Variants in CEP112 observed in about 807,000 individuals in gnomAD.
CEP112 encodes centrosomal protein 112.
A neutral mutation model predicts 153.0 loss-of-function variants in CEP112; 127 were observed. The ratio of observed to expected loss-of-function variants is 0.83; its 90% CI spans 0.72 to 0.96. The LOEUF is 0.96. CEP112 is among the 40% of genes least tolerant of loss of function. The probability of loss-of-function intolerance (pLI) is 0.00; values close to 1 mark genes in which losing one functional copy is unlikely to be tolerated. For synonymous variants in CEP112, 358 were observed against 374.4 expected, an observed-to-expected ratio of 0.96 and a Z score of 0.51; for missense variants, 1,089 against 1,101.2, an observed-to-expected ratio of 0.99 and a Z score of 0.16.
intron 17 of CEP112, among the ~76,000 whole-genome samples, chr17:65,986,916 C>T (rs1487285292): frequency 6.6e-6 from 1 of 151,988 alleles, no homozygotes; most frequent in African/African-American, 2.4e-5. Context: ...CAGAAAGTCC[C>T]TAGAAAAGTG....
At chr17:66,175,361 T>C (rs2072427696) in intron 3 of CEP112, 145 bp from the exon 4 acceptor site, 3 of 579,656 alleles carry the variant, frequency 5.2e-6, no homozygotes, top group South Asian at 6.0e-5. Flanking sequence ...TAAATGTACA[T>C]TGAATTATGA....
chr17:65,740,225 T>C (rs1354629262), intron 23 of CEP112, among the ~76,000 whole-genome samples: 1 of 152,214 alleles, frequency 6.6e-6, no homozygotes, highest in South Asian at 2.1e-4. Context: ...GTATTTGCTA[T>C]AGTTAAAAAT....
At chr17:66,169,491 G>T (rs1419256135) in intron 4 of CEP112, among the ~76,000 whole-genome samples, 2 of 151,828 alleles carry the variant, frequency 1.3e-5, no homozygotes, top group African/African-American at 2.4e-5. Context: ...TCACCATATT[G>T]GCCAAGCTGG....
chr17:65,644,856 T>C (rs1029476306), intron 24 of CEP112, among the ~76,000 whole-genome samples: 3 of 152,134 alleles, frequency 2.0e-5, no homozygotes, highest in African/African-American at 7.2e-5. Flanking sequence ...ATTTCTCCAG[T>C]GTTTTCTGGC....
chr17:65,975,075 C>T (rs1352137961), intron 17 of CEP112, among the ~76,000 whole-genome samples: 2 of 152,010 alleles, frequency 1.3e-5, no homozygotes, highest in African/African-American at 4.8e-5. Context: ...GAATAAATAA[C>T]CAAATCAACT....
chr17:65,683,447 C>A (rs527485328), intron 24 of CEP112, among the ~76,000 whole-genome samples: 5 of 152,120 alleles, frequency 3.3e-5, no homozygotes, highest in Non-Finnish European at 5.9e-5. Context: ...CAAAGAGGAC[C>A]CCGGGGGCAA....
intron 24 of CEP112, among the ~76,000 whole-genome samples, chr17:65,651,549 C>T (rs2045776485): frequency 6.6e-6 from 1 of 152,166 alleles, no homozygotes; most frequent in Admixed American, 6.5e-5. Flanking sequence ...AGTTTACATT[C>T]CCAACAGCAG....
rs540548912 is a variant in CEP112, at chr17:65,939,260, T to A, written c.1873-11571A>T. ...TAAGGAAAACACGGGTAGAAACATATCCTGTGTTCTCGGATCAGAAGAATT... is the reference window on the plus strand; with the variant it reads ...TAAGGAAAACACGGGTAGAAACATAACCTGTGTTCTCGGATCAGAAGAATT... On this transcript the variant is annotated intron_variant, in intron 18 of 26. Coordinates refer to ENST00000535342, the MANE Select transcript of CEP112 (RefSeq NM_001199165.4). Among the ~76,000 whole-genome samples the A allele has an allele frequency of 2.0e-5, 3 of 152,108 alleles. No homozygotes were observed. In the East Asian group the frequency reaches 5.8e-4, roughly 29 times the overall value.
intron 21 of CEP112, among the ~76,000 whole-genome samples, chr17:65,794,826 C>T (rs147157309): frequency 7.8e-4 from 119 of 152,322 alleles, no homozygotes; most frequent in African/African-American, 2.8e-3. Context: ...AGTCCAAAAC[C>T]TGTGTCACTT....
chr17:65,904,130 G>C lies in CEP112; in HGVS notation c.1981-1796C>G, dbSNP rs553235542. Among the ~76,000 whole-genome samples the C allele has an allele frequency of 2.8e-4, 42 of 152,096 alleles. 1 individual carries two copies. The highest frequency in any genetic ancestry group is 5.0e-4 in the Non-Finnish European group (34 of 67,978). The stretch of plus-strand genomic sequence containing the variant: ...AATCACGCAAGAGAAACAAATAAAG[G>C]GTATTCAAATAGAAAGAGAGAAAGT... On this transcript the variant is annotated intron_variant, in intron 19 of 26. Coordinates refer to ENST00000535342, the MANE Select transcript of CEP112 (RefSeq NM_001199165.4).
At chr17:66,149,813 G>T in intron 4 of CEP112, among the ~76,000 whole-genome samples, 1 of 132,406 alleles carries the variant, frequency 7.6e-6, no homozygotes, top group African/African-American at 2.8e-5. Flanking sequence ...CCTTCCTTCT[G>T]TTAGCTTTAG....
At chr17:65,801,480 T>C (rs1304391005) in intron 21 of CEP112, among the ~76,000 whole-genome samples, 2 of 152,246 alleles carry the variant, frequency 1.3e-5, no homozygotes, top group African/African-American at 4.8e-5. Context: ...TAAGAAATTA[T>C]TGTCTTATCC....
intron 23 of CEP112, among the ~76,000 whole-genome samples, chr17:65,709,875 G>A (rs2049090245): frequency 6.6e-6 from 1 of 152,164 alleles, no homozygotes; most frequent in Non-Finnish European, 1.5e-5. Flanking sequence ...TGCTACCAAT[G>A]ATCTTTCCAA....
chr17:65,647,416 A>G (rs1245014925), intron 24 of CEP112, among the ~76,000 whole-genome samples: 4 of 147,796 alleles, frequency 2.7e-5, no homozygotes, highest in Non-Finnish European at 5.9e-5. Context: ...CAGGTGATCC[A>G]CCCACCTTGG....
At chr17:65,955,771 G>A (rs918871802) in intron 18 of CEP112, among the ~76,000 whole-genome samples, 1 of 152,084 alleles carries the variant, frequency 6.6e-6, no homozygotes, top group African/African-American at 2.4e-5. Flanking sequence ...ATTATATAAT[G>A]GTAAAAGGAC....
At chr17:66,067,208 A>G (rs892362540) in intron 9 of CEP112, among the ~76,000 whole-genome samples, 4 of 152,198 alleles carry the variant, frequency 2.6e-5, no homozygotes, top group Admixed American at 2.0e-4. Context: ...ATGATCTGCC[A>G]CACTTGGAAG....
chr17:65,718,395 C>G (rs532640415), intron 23 of CEP112, among the ~76,000 whole-genome samples: 1 of 147,040 alleles, frequency 6.8e-6, no homozygotes, highest in African/African-American at 2.5e-5. Flanking sequence ...GCAACAAGAG[C>G]GAAACTCCAT....
At chr17:66,042,963 A>G in intron 12 of CEP112, 1 of 349,702 alleles carries the variant, frequency 2.9e-6, no homozygotes, top group Non-Finnish European at 4.0e-6. Context: ...TAGAAACTAT[A>G]AAATCAAATT....
chr17:66,022,216 C>T (rs1264038687), intron 16 of CEP112, among the ~76,000 whole-genome samples: 1 of 152,064 alleles, frequency 6.6e-6, no homozygotes, highest in Non-Finnish European at 1.5e-5. Flanking sequence ...ACAGCTCTAC[C>T]CAACATACTT....
Sources: allele counts gnomAD v4.1 joint callset (sites outside exome capture counted in the v4.1 genomes callset), GRCh38; gene constraint gnomAD v4.1.1; transcripts MANE v1.5; gene names NCBI Gene and HGNC (gene_info 2026-07-23, HGNC 2026-07-21).